The following SMARCAD1 variants were observed in gnomAD, a reference collection of about 807,000 sequenced individuals.
The protein encoded by SMARCAD1 is SNF2 related chromatin remodeling ATPase with DExD box 1.
In SMARCAD1, 25 loss-of-function variants were observed where a neutral mutation model predicts 127.1. That is an observed-to-expected ratio of 0.20 (90% CI 0.14 to 0.27). The LOEUF is 0.27. Ranked by LOEUF, SMARCAD1 falls within the 10% of genes least tolerant of loss-of-function variation. The pLI, the probability that SMARCAD1 is intolerant of heterozygous loss-of-function variation, is 1.00. For missense variants in SMARCAD1, 807 were observed against 1,206.0 expected, an observed-to-expected ratio of 0.67 and a Z score of 4.90; for synonymous variants, 400 against 396.9, an observed-to-expected ratio of 1.01 and a Z score of -0.09.
At chr4:94,216,053 A>G (rs947748145) in intron 2 of SMARCAD1, among the ~76,000 whole-genome samples, 1 of 152,288 alleles carries the variant, frequency 6.6e-6, no homozygotes, top group Non-Finnish European at 1.5e-5. Flanking sequence ...GAAGTCCAAA[A>G]TCAAGGTGCT....
intron 21 of SMARCAD1, among the ~76,000 whole-genome samples, 173 bp from the exon 22 acceptor site, chr4:94,282,948 G>A (rs1754320302): frequency 6.6e-6 from 1 of 152,162 alleles, no homozygotes; most frequent in Non-Finnish European, 1.5e-5. Flanking sequence ...TAGAAAAGAA[G>A]TTGGGGAATT....
At chr4:94,257,860 T>C (rs1211704818) in intron 9 of SMARCAD1, among the ~76,000 whole-genome samples, 2 of 152,092 alleles carry the variant, frequency 1.3e-5, no homozygotes, top group African/African-American at 4.8e-5. Flanking sequence ...TTATAGACAA[T>C]AGGATTTAGT....
Position 94,241,014 on chromosome 4 carries a change from T to G in SMARCAD1, c.705+8T>G, listed in dbSNP as rs762045251. ...AAGACAAGACTGGATCATGTAAGTT[T>G]ACATTTGAATTACAGTATCAAAATT... On this transcript the variant is annotated splice_region_variant and intron_variant, in intron 6 of 23. Transcript: ENST00000354268. 15 of 1,586,030 alleles carry G rather than the reference T, an allele frequency of 9.5e-6. No individual in the cohort carries two copies. The highest frequency in any genetic ancestry group is 1.3e-5 in the Non-Finnish European group (15 of 1,155,848).
At chr4:94,251,168 A>C (rs1403831538) in intron 8 of SMARCAD1, among the ~76,000 whole-genome samples, 1 of 152,160 alleles carries the variant, frequency 6.6e-6, no homozygotes, top group Non-Finnish European at 1.5e-5. Flanking sequence ...GTGATTGGTG[A>C]TATCATGTCA....
intron 5 of SMARCAD1, among the ~76,000 whole-genome samples, chr4:94,237,708 A>G (rs1746905043): frequency 6.6e-6 from 1 of 152,132 alleles, no homozygotes; most frequent in African/African-American, 2.4e-5. Flanking sequence ...TTAAAAAATC[A>G]TATAATAATT....
At chr4:94,237,060 C>A in intron 5 of SMARCAD1, 42 bp downstream of exon 5, 1 of 1,452,628 alleles carries the variant, frequency 6.9e-7, no homozygotes, top group Non-Finnish European at 9.7e-7. Flanking sequence ...TTTATTGTTA[C>A]GTCATAATAA....
intron 3 of SMARCAD1, among the ~76,000 whole-genome samples, chr4:94,232,975 G>A (rs553034569): frequency 3.9e-5 from 6 of 152,146 alleles, no homozygotes; most frequent in Admixed American, 2.0e-4. Context: ...GTGGAACCCC[G>A]TCTCAAAAAA....
intron 2 of SMARCAD1, among the ~76,000 whole-genome samples, chr4:94,216,564 C>A (rs1218014136): frequency 1.3e-5 from 2 of 152,212 alleles, no homozygotes; most frequent in African/African-American, 4.8e-5. Context: ...TTCTCCAGCA[C>A]TCTTTTCATC....
chr4:94,262,148 CT>C (rs1466661654), intron 9 of SMARCAD1, among the ~76,000 whole-genome samples: 1 of 152,156 alleles, frequency 6.6e-6, no homozygotes, highest in Non-Finnish European at 1.5e-5. Flanking sequence ...GCATCTTTTT[CT>C]CCAGCTTACA....
chr4:94,212,980 T>G, intron 2 of SMARCAD1: 1 of 926,820 alleles, frequency 1.1e-6, no homozygotes, highest in Non-Finnish European at 1.5e-6. Flanking sequence ...AAGTTGTCAA[T>G]GATTGTTATT....
At chr4:94,244,804 T>G (rs989465278) in intron 6 of SMARCAD1, among the ~76,000 whole-genome samples, 1 of 151,784 alleles carries the variant, frequency 6.6e-6, no homozygotes, top group African/African-American at 2.4e-5. Flanking sequence ...TGTATCAAGC[T>G]CTCTCTCTAC....
intron 3 of SMARCAD1, 92 bp downstream of exon 3, chr4:94,226,388 CTTTTTTTTTTTTTCT>C: frequency 3.1e-6 from 2 of 648,886 alleles, no homozygotes; most frequent in South Asian, 2.3e-5. Flanking sequence ...GGTGACTTCC[CTTTTTTTTTTTTTCT>C]TTTTTTTTTT....
chr4:94,216,881 A>G (rs1302737538), intron 2 of SMARCAD1, among the ~76,000 whole-genome samples: 1 of 152,228 alleles, frequency 6.6e-6, no homozygotes, highest in Admixed American at 6.5e-5. Flanking sequence ...ATTGTATTGC[A>G]GTAAACATGA....
chr4:94,243,478 GT>G (rs1317299780), intron 6 of SMARCAD1, among the ~76,000 whole-genome samples: 3 of 152,190 alleles, frequency 2.0e-5, no homozygotes, highest in Non-Finnish European at 4.4e-5. Flanking sequence ...AACGGCTCAA[GT>G]CTCATGGTCA....
At chr4:94,283,826 AAAAC>A (rs145968207) in intron 22 of SMARCAD1, among the ~76,000 whole-genome samples, 1,593 of 152,192 alleles carry the variant, frequency 0.01, 26 homozygotes, top group African/African-American at 0.035. Flanking sequence ...ACTCCATCTC[AAAAC>A]AAACAAACAA....
At chr4:94,255,900 T>C (rs17310266) in intron 9 of SMARCAD1, among the ~76,000 whole-genome samples, 57,498 of 151,940 alleles carry the variant, frequency 0.38, 11,896 homozygotes, top group East Asian at 0.71. Context: ...AGGTGCCTAT[T>C]GTGAGAAAAC....
chr4:94,239,112 T>C (rs1747166543), intron 5 of SMARCAD1, among the ~76,000 whole-genome samples: 2 of 152,204 alleles, frequency 1.3e-5, no homozygotes, highest in South Asian at 4.1e-4. Context: ...CCATGCTGCA[T>C]CATGGAACGG....
intron 6 of SMARCAD1, among the ~76,000 whole-genome samples, chr4:94,244,741 A>G (rs1336359571): frequency 6.6e-6 from 1 of 150,828 alleles, no homozygotes; most frequent in Non-Finnish European, 1.5e-5. Context: ...AAGAGGATGA[A>G]TGCCCCAAAA....
At position 94,246,688 on chromosome 4, in the gene SMARCAD1, C is replaced by G. The variant is rs557206694; in HGVS notation, c.706-2966C>G. 3.9e-5 allele frequency among the ~76,000 whole-genome samples: 6 copies of G among 152,266 alleles called. No homozygotes were observed. The South Asian group carries it at 1.2e-3, about 32-fold the overall frequency. ...TCTGACCAGTACCATTGAAAATACC[C>G]ACTACCTGTATCAAGTCCAGTCAAC... On this transcript the variant is annotated intron_variant, in intron 6 of 23. Transcript: ENST00000354268.
Sources: allele counts gnomAD v4.1 joint callset (sites outside exome capture counted in the v4.1 genomes callset), GRCh38; gene constraint gnomAD v4.1.1; transcripts MANE v1.5; gene names NCBI Gene and HGNC (gene_info 2026-07-23, HGNC 2026-07-21).